Variants in GCNT2 observed in about 807,000 individuals in gnomAD.
The protein encoded by GCNT2 is N-acetyllactosaminide beta-1,6-N-acetylglucosaminyl-transferase.
In GCNT2, 34 loss-of-function variants were observed where a neutral mutation model predicts 34.2. The observed-to-expected ratio is 1.00, with a 90% CI of 0.76 to 1.32. GCNT2 has a LOEUF of 1.32. GCNT2 is among the 40% of genes most tolerant of loss of function. GCNT2 has a pLI of 0.00. For missense variants in GCNT2, 584 were observed against 489.4 expected (o/e 1.19, Z -1.82); for synonymous variants, 212 against 188.0 (o/e 1.13, Z -1.04).
intron 3 of GCNT2, among the ~76,000 whole-genome samples, chr6:10,580,310 A>T (rs923641991): frequency 1.3e-5 from 2 of 152,116 alleles, no homozygotes; most frequent in African/African-American, 4.8e-5. Flanking sequence ...CATTCCCAGC[A>T]GCCCCCACCC....
At position 10,611,225 on chromosome 6, in the gene GCNT2, G is replaced by GA. The variant is rs773459728; in HGVS notation, c.926-10112dup. Among the ~76,000 whole-genome samples the GA allele has an allele frequency of 3.2e-3, 427 of 132,996 alleles. 4 individuals are homozygous for GA. Among genetic ancestry groups the GA allele is most frequent in the South Asian group, 8.7e-3 (34 of 3,926 alleles). The allele number at this position is 132,996 out of a possible 152,430, so 87.3% of individuals were successfully genotyped here. A position where few individuals can be genotyped will look rare whatever the true frequency, so the allele number is the denominator to read the frequency against. On this transcript the variant is annotated intron_variant, in intron 3 of 4. Transcript: ENST00000495262. The stretch of plus-strand genomic sequence containing the variant: ...AGTGAGAGGAGAGCCATGTCTATTT[G>GA]AAAAAAAAAAAAAATCCTAAGTGAT...
chr6:10,525,573 A>T (rs1398062097), intron 1 of GCNT2, among the ~76,000 whole-genome samples: 1 of 152,226 alleles, frequency 6.6e-6, no homozygotes, highest in Non-Finnish European at 1.5e-5. Context: ...AGCGTGTCCC[A>T]TGTGCCTACC....
At chr6:10,572,755 T>A (rs952709255) in intron 3 of GCNT2, among the ~76,000 whole-genome samples, 1 of 151,902 alleles carries the variant, frequency 6.6e-6, no homozygotes, top group Admixed American at 6.6e-5. Flanking sequence ...AAAATAAAAA[T>A]AAAAAATAAA....
At chr6:10,588,764 TG>T (rs1314387124) in intron 3 of GCNT2, among the ~76,000 whole-genome samples, 1 of 146,076 alleles carries the variant, frequency 6.8e-6, no homozygotes, top group Non-Finnish European at 1.5e-5. Flanking sequence ...GTGTGTGTGG[TG>T]TGTTTGTAGT....
intron 3 of GCNT2, among the ~76,000 whole-genome samples, chr6:10,568,695 C>T (rs1258753081): frequency 1.3e-5 from 2 of 152,214 alleles, no homozygotes; most frequent in Non-Finnish European, 2.9e-5. Context: ...GAGATCCCCT[C>T]AGTATTACCT....
intron 2 of GCNT2, among the ~76,000 whole-genome samples, chr6:10,527,993 T>A (rs1761283613): frequency 6.6e-6 from 1 of 152,190 alleles, no homozygotes; most frequent in African/African-American, 2.4e-5. Context: ...TCTGTCTGCA[T>A]CCTATGCGGA....
At chr6:10,545,513 T>C (rs116277652) in intron 3 of GCNT2, among the ~76,000 whole-genome samples, 1,704 of 152,340 alleles carry the variant, frequency 0.011, 29 homozygotes, top group African/African-American at 0.036. Flanking sequence ...CATAACTGTG[T>C]CTCTTTCTAG....
Position 10,578,116 on chromosome 6 carries a change from C to T in GCNT2, c.926-43235C>T, listed in dbSNP as rs539314674. ...TAAAGAGTAGATGAAACTGGCCAGG[C>T]GCATTGGCTCACGCCTGTAATCCCA... On this transcript the variant is annotated intron_variant, in intron 3 of 4. Coordinates refer to ENST00000495262, the MANE Select transcript of GCNT2 (RefSeq NM_145649.5). Among the ~76,000 whole-genome samples, 3 of 152,098 alleles carry T rather than the reference C, an allele frequency of 2.0e-5. No individual in the cohort carries two copies. The South Asian group carries it at 6.2e-4, about 32-fold the overall frequency.
chr6:10,588,839 G>GGT (rs1399917722), intron 3 of GCNT2, among the ~76,000 whole-genome samples: 2 of 142,760 alleles, frequency 1.4e-5, no homozygotes, highest in African/African-American at 2.7e-5. Context: ...GTATGTGTGT[G>GGT]GTGTGTGTGT....
intron 3 of GCNT2, among the ~76,000 whole-genome samples, chr6:10,601,446 A>C (rs892565985): frequency 6.6e-6 from 1 of 152,128 alleles, no homozygotes; most frequent in Non-Finnish European, 1.5e-5. Flanking sequence ...GCCATCAATC[A>C]ATCAGATCAT....
rs542350717 is a variant in GCNT2, at chr6:10,565,383, A to G, written c.925+35547A>G. Among the ~76,000 whole-genome samples, 12 of 151,982 alleles carry G rather than the reference A, an allele frequency of 7.9e-5. No homozygotes were observed. In the East Asian group the frequency reaches 1.9e-3, roughly 25 times the overall value. On this transcript the variant is annotated intron_variant, in intron 3 of 4. Transcript: ENST00000495262. ...GAAAAGGAGTCAAGCTGGTGGGATCAAGGGAAAGCAGAGGGAAAGCAGATA... is the reference window on the plus strand; with the variant it reads ...GAAAAGGAGTCAAGCTGGTGGGATCGAGGGAAAGCAGAGGGAAAGCAGATA...
chr6:10,605,994 G>T (rs1419617748), intron 3 of GCNT2, among the ~76,000 whole-genome samples: 1 of 152,140 alleles, frequency 6.6e-6, no homozygotes, highest in Non-Finnish European at 1.5e-5. Context: ...GCCTCAAGGA[G>T]AGGACAAGCC....
At position 10,627,108 on chromosome 6, in the gene GCNT2, A is replaced by G. The variant is rs557721590; in HGVS notation, c.*501A>G. ...TTCCTTTAAAACATAAGCTACCTGA[A>G]TGGAGAATACATCTTGTTTCTGAGT... On this transcript the variant is annotated 3_prime_UTR_variant, in exon 5 of 5. Coordinates refer to ENST00000495262, the MANE Select transcript of GCNT2 (RefSeq NM_145649.5). 6.1e-6 allele frequency: 1 copy of G among 163,444 alleles called. No individual in the cohort carries two copies. Among genetic ancestry groups the G allele is most frequent in the Middle Eastern group, 3.2e-3 (1 of 308 alleles). 10.1% of individuals were successfully genotyped at this position (163,444 alleles called of 1,614,324 possible). A position where few individuals can be genotyped will look rare whatever the true frequency, so the allele number is the denominator to read the frequency against.
chr6:10,565,838 T>A (rs1281632676), intron 3 of GCNT2, among the ~76,000 whole-genome samples: 1 of 152,148 alleles, frequency 6.6e-6, no homozygotes, highest in East Asian at 1.9e-4. Flanking sequence ...CTAACTAGTT[T>A]CCCTGTTCCG....
intron 3 of GCNT2, among the ~76,000 whole-genome samples, chr6:10,540,741 T>G (rs1234428829): frequency 3.3e-5 from 5 of 152,198 alleles, no homozygotes; most frequent in Non-Finnish European, 2.9e-5. Flanking sequence ...CCTTCAGCAT[T>G]ACAGGAAGTT....
chr6:10,521,954 C>T (rs1366648324), intron 1 of GCNT2, among the ~76,000 whole-genome samples: 1 of 151,132 alleles, frequency 6.6e-6, no homozygotes. Flanking sequence ...GGCGAGAGTA[C>T]GGTGGTGCGA....
intron 3 of GCNT2, among the ~76,000 whole-genome samples, chr6:10,606,603 C>CTTCCATGAAAGAAATTTAATGGAAAT (rs1765319443): frequency 1.6e-5 from 1 of 60,626 alleles, no homozygotes; most frequent in African/African-American, 1.1e-4. Flanking sequence ...GTACCTTTAA[C>CTTCCATGAAAGAAATTTAATGGAAAT]TTCCATTAAA....
intron 3 of GCNT2, among the ~76,000 whole-genome samples, chr6:10,542,893 C>CTTTTTTTTT (rs869251646): frequency 6.2e-4 from 51 of 82,218 alleles, no homozygotes; most frequent in African/African-American, 1.8e-3. Flanking sequence ...TATGTTAATT[C>CTTTTTTTTT]TTTTTTTTTT....
At position 10,540,077 on chromosome 6, in the gene GCNT2, C is replaced by CAA. The variant is rs200542165; in HGVS notation, c.925+10249_925+10250dup. On this transcript the variant is annotated intron_variant, in intron 3 of 4. Transcript: ENST00000495262. The stretch of plus-strand genomic sequence containing the variant: ...TTGGTGACAGAGTGAGACCCCATCT[C>CAA]AAAAAAAAAGGAAGGAAAGGAAGGA... Among the ~76,000 whole-genome samples the CAA allele has an allele frequency of 2.1e-4, 29 of 140,476 alleles. No individual in the cohort carries two copies. In the East Asian group the frequency reaches 3.5e-3, roughly 17 times the overall value. 92.2% of individuals were successfully genotyped at this position (140,476 alleles called of 152,430 possible).
Sources: gnomAD v4.1 joint callset for allele counts (sites outside exome capture counted in the v4.1 genomes callset) on GRCh38, gnomAD v4.1.1 for gene constraint, MANE v1.5 for transcripts, NCBI Gene and HGNC (gene_info 2026-07-23, HGNC 2026-07-21) for gene names.